TMEM132D: variants seen among roughly 807,000 people sequenced by gnomAD.
TMEM132D encodes the protein transmembrane protein 132D, also known as mature OL transmembrane protein.
Under a neutral mutation model 62.3 loss-of-function variants are expected in TMEM132D, and 21 were observed. That is an observed-to-expected ratio of 0.34 (90% CI 0.24 to 0.49). The LOEUF (loss-of-function observed/expected upper bound fraction) is 0.49, where lower values mean the gene tolerates loss of function less well. Among genes scored for constraint, TMEM132D ranks in the 20% least tolerant of loss-of-function variants. The pLI is 0.99. For missense variants in TMEM132D, 1,346 were observed against 1,402.8 expected, an observed-to-expected ratio of 0.96 and a Z score of 0.65; for synonymous variants, 621 against 575.6, an observed-to-expected ratio of 1.08 and a Z score of -1.13.
At chr12:129,316,359 G>A (rs770480616) in intron 4 of TMEM132D, among the ~76,000 whole-genome samples, 10 of 152,076 alleles carry the variant, frequency 6.6e-5, no homozygotes, top group Non-Finnish European at 1.2e-4. Flanking sequence ...ATTGTCATTC[G>A]GTTTGAAGAA....
chr12:129,290,266 T>C (rs1881413395), intron 4 of TMEM132D, among the ~76,000 whole-genome samples: 1 of 152,072 alleles, frequency 6.6e-6, no homozygotes, highest in Non-Finnish European at 1.5e-5. Flanking sequence ...CATCTTGAAA[T>C]GGGAAAGCCT....
intron 3 of TMEM132D, 39 bp from the exon 4 acceptor site, chr12:129,337,856 T>C: frequency 6.4e-7 from 1 of 1,558,752 alleles, no homozygotes; most frequent in Non-Finnish European, 8.7e-7. Context: ...TTTCAGGGAC[T>C]GATGAGGTAT....
chr12:129,254,654 T>G (rs149962177), intron 4 of TMEM132D, among the ~76,000 whole-genome samples: 5 of 152,310 alleles, frequency 3.3e-5, no homozygotes, highest in African/African-American at 1.2e-4. Flanking sequence ...GATTTGCTTA[T>G]CCTTAGAGGG....
At chr12:129,872,163 G>A (rs559802973) in intron 1 of TMEM132D, among the ~76,000 whole-genome samples, 263 of 152,314 alleles carry the variant, frequency 1.7e-3, no homozygotes, top group African/African-American at 5.9e-3. Context: ...GTGTCACAGC[G>A]GGTGACACAA....
chr12:129,618,236 C>T lies in TMEM132D; in HGVS notation c.968+81574G>A, dbSNP rs1321896164. On this transcript the variant is annotated intron_variant, in intron 2 of 8. Transcript: ENST00000422113. ...GTGCTCACTTGCTAATCTCTGGACC[C>T]AAAATTGTGAGGGTTTTGTTTTTGC... Among the ~76,000 whole-genome samples the T allele has an allele frequency of 1.1e-4, 17 of 152,214 alleles. No individual in the cohort carries two copies. The East Asian group carries it at 3.3e-3, about 29-fold the overall frequency.
intron 2 of TMEM132D, among the ~76,000 whole-genome samples, chr12:129,649,017 T>C (rs1037319468): frequency 3.3e-5 from 5 of 152,206 alleles, no homozygotes; most frequent in African/African-American, 1.2e-4. Flanking sequence ...GGCAGGATGC[T>C]GGGTGCTTTT....
intron 5 of TMEM132D, among the ~76,000 whole-genome samples, chr12:129,186,134 C>T (rs1878217201): frequency 6.6e-6 from 1 of 152,114 alleles, no homozygotes; most frequent in Non-Finnish European, 1.5e-5. Flanking sequence ...GCGGGGAGTC[C>T]ACCCAAGGCC....
intron 2 of TMEM132D, among the ~76,000 whole-genome samples, chr12:129,577,546 A>G (rs1202608042): frequency 6.6e-6 from 1 of 151,682 alleles, no homozygotes; most frequent in Non-Finnish European, 1.5e-5. Context: ...AAAAGTTTTG[A>G]TAAATGTTGA....
rs115264204 is a variant in TMEM132D, at chr12:129,150,218, A to G, written c.1443+59302T>C. Among the ~76,000 whole-genome samples the G allele has an allele frequency of 4.8e-3, 724 of 152,214 alleles. 5 individuals carry two copies. The highest frequency in any genetic ancestry group is 0.017 in the African/African-American group (692 of 41,552). Reference sequence around the variant, plus strand: ...AGCCATCTACTGCAGCATCTATTTGATCCCAGGGGAGCCCCATCCAGAGTG... The same window carrying G: ...AGCCATCTACTGCAGCATCTATTTGGTCCCAGGGGAGCCCCATCCAGAGTG... On this transcript the variant is annotated intron_variant, in intron 5 of 8. Coordinates refer to ENST00000422113, the MANE Select transcript of TMEM132D (RefSeq NM_133448.3).
chr12:129,590,338 C>T (rs369146888), intron 2 of TMEM132D, among the ~76,000 whole-genome samples: 3 of 152,222 alleles, frequency 2.0e-5, no homozygotes, highest in Non-Finnish European at 4.4e-5. Context: ...TGGAACAGAT[C>T]GCTGCAGCAG....
intron 2 of TMEM132D, among the ~76,000 whole-genome samples, chr12:129,693,784 TA>T (rs991647402): frequency 4.1e-4 from 62 of 152,198 alleles, no homozygotes; most frequent in Non-Finnish European, 8.4e-4. Flanking sequence ...ATTATAATAG[TA>T]AAAAAACACA....
chr12:129,870,927 T>C (rs1383950678), intron 1 of TMEM132D, among the ~76,000 whole-genome samples: 1 of 152,074 alleles, frequency 6.6e-6, no homozygotes, highest in Non-Finnish European at 1.5e-5. Context: ...AGTGTCAGAA[T>C]TGCATTGAAT....
intron 3 of TMEM132D, among the ~76,000 whole-genome samples, chr12:129,341,079 A>G (rs1869464815): frequency 1.3e-5 from 2 of 152,168 alleles, no homozygotes; most frequent in African/African-American, 4.8e-5. Context: ...TTGAATTTTA[A>G]TGCCCCTTTG....
chr12:129,765,851 A>T (rs966481652), intron 1 of TMEM132D, among the ~76,000 whole-genome samples: 4 of 152,164 alleles, frequency 2.6e-5, no homozygotes, highest in Admixed American at 2.6e-4. Context: ...TTCTTTGAAG[A>T]TCTTCTTTTA....
chr12:129,325,993 C>A (rs544310957), intron 4 of TMEM132D, among the ~76,000 whole-genome samples: 1 of 152,156 alleles, frequency 6.6e-6, no homozygotes, highest in African/African-American at 2.4e-5. Flanking sequence ...TGCTGGAGGC[C>A]CCCCGGGACT....
At chr12:129,582,149 A>C (rs528813306) in intron 2 of TMEM132D, among the ~76,000 whole-genome samples, 66 of 152,318 alleles carry the variant, frequency 4.3e-4, no homozygotes, top group African/African-American at 1.6e-3. Flanking sequence ...AATGACTTAC[A>C]CATCACAGTC....
intron 8 of TMEM132D, among the ~76,000 whole-genome samples, chr12:129,076,999 C>T (rs1000332500): frequency 7.2e-5 from 11 of 152,198 alleles, no homozygotes; most frequent in Admixed American, 6.5e-4. Context: ...GCCAAGAATT[C>T]GATTCTGTTA....
At chr12:129,841,439 C>A (rs536539852) in intron 1 of TMEM132D, among the ~76,000 whole-genome samples, 90 of 152,280 alleles carry the variant, frequency 5.9e-4, no homozygotes, top group Admixed American at 3.5e-3. Context: ...CCAGTTTAAT[C>A]AACCCTTGGT....
At position 129,462,528 on chromosome 12, in the gene TMEM132D, C is replaced by A. The variant is rs538778892; in HGVS notation, c.1115+68531G>T. Among the ~76,000 whole-genome samples, 220 of 152,300 alleles carry A rather than the reference C, an allele frequency of 1.4e-3. 1 individual carries two copies. In the South Asian group the frequency reaches 0.016, roughly 11 times the overall value. On this transcript the variant is annotated intron_variant, in intron 3 of 8. Transcript: ENST00000422113. ...TGCTTAGGACAGGATTTTACCACTG[C>A]TCCTACAAGGACATTATTATCAAAG...
Sources: allele counts gnomAD v4.1 joint callset (sites outside exome capture counted in the v4.1 genomes callset), GRCh38; gene constraint gnomAD v4.1.1; transcripts MANE v1.5; gene names NCBI Gene and HGNC (gene_info 2026-07-23, HGNC 2026-07-21).